Variants in FYN observed in about 807,000 individuals in gnomAD.
FYN encodes tyrosine-protein kinase Fyn.
FYN carries 10 observed loss-of-function variants against 70.2 expected under a neutral mutation model. That is an observed-to-expected ratio of 0.14 (90% CI 0.09 to 0.24). The LOEUF is 0.24. Among genes scored for constraint, FYN ranks in the 10% least tolerant of loss-of-function variants. The pLI, the probability that FYN is intolerant of heterozygous loss-of-function variation, is 1.00. For synonymous variants in FYN, 236 were observed against 248.6 expected, an observed-to-expected ratio of 0.95 and a Z score of 0.48; for missense variants, 319 against 673.1, an observed-to-expected ratio of 0.47 and a Z score of 5.82.
At chr6:111,704,944 C>T (rs947845569) in intron 6 of FYN, among the ~76,000 whole-genome samples, 1 of 151,982 alleles carries the variant, frequency 6.6e-6, no homozygotes, top group African/African-American at 2.4e-5. Flanking sequence ...CACCTGTAAT[C>T]CCAGCTACTC....
intron 1 of FYN, among the ~76,000 whole-genome samples, chr6:111,855,798 G>T (rs192831946): frequency 6.6e-6 from 1 of 152,178 alleles, no homozygotes; most frequent in South Asian, 2.1e-4. Flanking sequence ...TTTGAAGCCT[G>T]TAGCCAACTG....
At chr6:111,866,561 T>A (rs1207168941) in intron 1 of FYN, among the ~76,000 whole-genome samples, 2 of 152,162 alleles carry the variant, frequency 1.3e-5, no homozygotes, top group Non-Finnish European at 2.9e-5. Context: ...AGGCTGGTCT[T>A]GAACTCCTGA....
intron 2 of FYN, among the ~76,000 whole-genome samples, chr6:111,844,088 C>T (rs1205961735): frequency 1.3e-5 from 2 of 152,212 alleles, no homozygotes; most frequent in African/African-American, 4.8e-5. Context: ...ACTACAGCAC[C>T]TTGAGCCTCT....
intron 2 of FYN, among the ~76,000 whole-genome samples, chr6:111,827,958 A>G (rs1015586041): frequency 6.6e-6 from 1 of 152,190 alleles, no homozygotes; most frequent in African/African-American, 2.4e-5. Flanking sequence ...GCCAGTAAAG[A>G]TGCTGTCCAA....
At chr6:111,742,888 CCTA>C (rs1802040606) in intron 3 of FYN, among the ~76,000 whole-genome samples, 1 of 152,134 alleles carries the variant, frequency 6.6e-6, no homozygotes, top group African/African-American at 2.4e-5. Context: ...TACAATTTGT[CCTA>C]CGTTTTGGTC....
chr6:111,776,644 A>G (rs1461116399), intron 3 of FYN, among the ~76,000 whole-genome samples: 2 of 152,200 alleles, frequency 1.3e-5, no homozygotes, highest in African/African-American at 4.8e-5. Context: ...CCACAAGCAC[A>G]CACCACACCC....
At chr6:111,798,735 G>C (rs936341402) in intron 2 of FYN, among the ~76,000 whole-genome samples, 1 of 152,182 alleles carries the variant, frequency 6.6e-6, no homozygotes, top group African/African-American at 2.4e-5. Context: ...GTAAAACAAG[G>C]ATAATCCTGA....
chr6:111,792,810 T>C (rs1375077917), intron 2 of FYN, among the ~76,000 whole-genome samples: 3 of 152,162 alleles, frequency 2.0e-5, no homozygotes, highest in Non-Finnish European at 4.4e-5. Flanking sequence ...TATATAAAGT[T>C]CATAATAGAT....
chr6:111,668,764 G>T (rs1310088881), intron 13 of FYN, among the ~76,000 whole-genome samples: 3 of 152,140 alleles, frequency 2.0e-5, no homozygotes, highest in African/African-American at 7.2e-5. Flanking sequence ...TCTCTGAGGG[G>T]ACATCATGAG....
At chr6:111,689,330 G>A (rs1459582781) in intron 12 of FYN, among the ~76,000 whole-genome samples, 1 of 152,204 alleles carries the variant, frequency 6.6e-6, no homozygotes, top group Non-Finnish European at 1.5e-5. Flanking sequence ...TTAGAGGCAA[G>A]TACAGTACTG....
Position 111,703,165 on chromosome 6 carries a change from C to T in FYN, c.548-131G>A, listed in dbSNP as rs368225494. 1.9e-4 allele frequency: 143 copies of T among 741,218 alleles called. 1 individual carries two copies. In the South Asian group the frequency reaches 2.3e-3, roughly 12 times the overall value. The allele number at this position is 741,218 out of a possible 1,614,324, so 45.9% of individuals were successfully genotyped here. ...ACACATGTACACACACACAGCATCT[C>T]CACTCAGTAACAGGAAGAAGATGCT... On this transcript the variant is annotated intron_variant, in intron 7 of 13. Coordinates refer to ENST00000354650, the MANE Select transcript of FYN (RefSeq NM_002037.5).
intron 2 of FYN, among the ~76,000 whole-genome samples, chr6:111,815,427 T>G (rs1772455224): frequency 6.6e-6 from 1 of 152,186 alleles, no homozygotes; most frequent in South Asian, 2.1e-4. Context: ...TTAATTTTCA[T>G]TCCAATAAAA....
intron 12 of FYN, among the ~76,000 whole-genome samples, chr6:111,686,135 T>A (rs1158775739): frequency 1.3e-5 from 2 of 151,914 alleles, no homozygotes; most frequent in African/African-American, 4.8e-5. Context: ...CTACAATTCA[T>A]CTCCATTTCC....
At chr6:111,750,819 G>A (rs955681206) in intron 3 of FYN, among the ~76,000 whole-genome samples, 7 of 151,180 alleles carry the variant, frequency 4.6e-5, no homozygotes. Context: ...ATACTTCTAA[G>A]GAACTTATTT....
At chr6:111,674,721 C>T in intron 12 of FYN, 91 bp from the exon 13 acceptor site, 1 of 1,422,416 alleles carries the variant, frequency 7.0e-7, no homozygotes, top group Non-Finnish European at 9.6e-7. Context: ...AAGCTACTTT[C>T]CTGAGAGCAG....
At chr6:111,664,706 C>A (rs888428850) in intron 13 of FYN, among the ~76,000 whole-genome samples, 10 of 152,240 alleles carry the variant, frequency 6.6e-5, no homozygotes, top group African/African-American at 2.4e-4. Flanking sequence ...TTCTCGCTCT[C>A]CCCTTTCCTG....
chr6:111,867,595 G>A (rs1185746580), intron 1 of FYN, among the ~76,000 whole-genome samples: 3 of 151,540 alleles, frequency 2.0e-5, no homozygotes, highest in Non-Finnish European at 4.4e-5. Flanking sequence ...CCTGCCCCCT[G>A]CTTTCCTTAT....
At chr6:111,768,548 C>T (rs537269649) in intron 3 of FYN, among the ~76,000 whole-genome samples, 1 of 152,294 alleles carries the variant, frequency 6.6e-6, no homozygotes, top group South Asian at 2.1e-4. Flanking sequence ...ACACACTTGC[C>T]AGGGCCCTGT....
intron 12 of FYN, among the ~76,000 whole-genome samples, chr6:111,688,001 A>G (rs147770243): frequency 6.6e-6 from 1 of 152,316 alleles, no homozygotes; most frequent in African/African-American, 2.4e-5. Flanking sequence ...TGTGGGAAGA[A>G]GAAAAGAGGT....
Sources: gnomAD v4.1 joint callset for allele counts (sites outside exome capture counted in the v4.1 genomes callset) on GRCh38, gnomAD v4.1.1 for gene constraint, MANE v1.5 for transcripts, NCBI Gene and HGNC (gene_info 2026-07-23, HGNC 2026-07-21) for gene names.